Variants in PPARGC1A observed in about 807,000 individuals in gnomAD.
The protein encoded by PPARGC1A is peroxisome proliferator-activated receptor gamma coactivator 1-alpha.
PPARGC1A carries 25 observed loss-of-function variants against 88.7 expected under a neutral mutation model. The observed-to-expected ratio is 0.28, with a 90% CI of 0.21 to 0.39. PPARGC1A has a LOEUF of 0.39. Among genes scored for constraint, PPARGC1A ranks in the 10% least tolerant of loss-of-function variants. PPARGC1A has a pLI of 1.00. For missense variants in PPARGC1A, 880 were observed against 968.7 expected (o/e 0.91, Z 1.22); for synonymous variants, 363 against 355.6 (o/e 1.02, Z -0.24).
At chr4:23,855,329 T>A (rs1333590890) in intron 2 of PPARGC1A, among the ~76,000 whole-genome samples, 1 of 152,192 alleles carries the variant, frequency 6.6e-6, no homozygotes, top group Non-Finnish European at 1.5e-5. Context: ...GAATCTGGCT[T>A]TTACCACTCA....
intron 2 of PPARGC1A, among the ~76,000 whole-genome samples, chr4:23,867,319 A>G (rs1227559565): frequency 2.0e-5 from 3 of 152,224 alleles, no homozygotes; most frequent in Admixed American, 6.5e-5. Context: ...TATGTACTTA[A>G]TACATCTTTG....
the PPARGC1A span, among the ~76,000 whole-genome samples, chr4:23,931,617 T>C: frequency 6.6e-6 from 1 of 152,126 alleles, no homozygotes; most frequent in Non-Finnish European, 1.5e-5. Flanking sequence ...TCATCTGACA[T>C]TGGATTTGAG....
chr4:24,463,277 G>C, the PPARGC1A span, among the ~76,000 whole-genome samples: 1 of 152,208 alleles, frequency 6.6e-6, no homozygotes, highest in Non-Finnish European at 1.5e-5. Flanking sequence ...TCAGCATGGA[G>C]CAGTTACCAA....
At chr4:24,469,631 C>T in the PPARGC1A span, among the ~76,000 whole-genome samples, 34 of 152,324 alleles carry the variant, frequency 2.2e-4, no homozygotes, top group African/African-American at 7.7e-4. Flanking sequence ...GCCAATCATT[C>T]TCCAGAGAGC....
intron 2 of PPARGC1A, among the ~76,000 whole-genome samples, chr4:23,844,415 A>C (rs1331527594): frequency 3.5e-5 from 4 of 114,166 alleles, no homozygotes; most frequent in Non-Finnish European, 7.1e-5. Flanking sequence ...ATATAATAAT[A>C]TATAATATAT....
chr4:23,901,156 A>C (rs1033136747), upstream of PPARGC1A, among the ~76,000 whole-genome samples: 1 of 152,134 alleles, frequency 6.6e-6, no homozygotes. Flanking sequence ...TCACAAGGTC[A>C]GGAGATCGAG....
chr4:24,097,803 A>G, the PPARGC1A span, among the ~76,000 whole-genome samples: 1 of 152,124 alleles, frequency 6.6e-6, no homozygotes, highest in African/African-American at 2.4e-5. Context: ...GATGCTCACC[A>G]TTCTCTCTGT....
Position 23,795,053 on chromosome 4 carries a change from AAGAGAGAG to A in PPARGC1A, c.*761_*768del, listed in dbSNP as rs372164053. On this transcript the variant is annotated 3_prime_UTR_variant, in exon 13 of 13. Transcript: ENST00000264867. ...ATGGCAAAAGGAAAAAGAAAAAAAAAAGAGAGAGAGAGAGAGAGAGAGAGAGACAGGAT... is the reference window on the plus strand; with the variant it reads ...ATGGCAAAAGGAAAAAGAAAAAAAAAAGAGAGAGAGAGAGAGAGACAGGAT... The A allele has an allele frequency of 8.3e-5, 12 of 145,290 alleles. No homozygotes were observed. Among genetic ancestry groups the A allele is most frequent in the African/African-American group, 2.3e-4 (9 of 39,184 alleles). The allele number at this position is 145,290 out of a possible 1,614,324, so 9.0% of individuals were successfully genotyped here.
intron 7 of PPARGC1A, among the ~76,000 whole-genome samples, chr4:23,823,410 A>C (rs1723364933): frequency 6.6e-6 from 1 of 152,000 alleles, no homozygotes; most frequent in Admixed American, 6.6e-5. Context: ...CTTCTACCAA[A>C]ACTGTAATAT....
chr4:24,359,358 G>A, the PPARGC1A span, among the ~76,000 whole-genome samples: 1 of 152,092 alleles, frequency 6.6e-6, no homozygotes, highest in Non-Finnish European at 1.5e-5. Flanking sequence ...CTTGACTGCT[G>A]TCTCTGTAAA....
chr4:24,196,026 T>A, the PPARGC1A span, among the ~76,000 whole-genome samples: 1 of 152,158 alleles, frequency 6.6e-6, no homozygotes, highest in Non-Finnish European at 1.5e-5. Flanking sequence ...GGCCATGGGG[T>A]TTCTCTCTAT....
chr4:24,031,275 T>C, the PPARGC1A span, among the ~76,000 whole-genome samples: 1 of 152,142 alleles, frequency 6.6e-6, no homozygotes, highest in Non-Finnish European at 1.5e-5. Context: ...ACAGAACCAT[T>C]TGCATTCCAT....
At chr4:24,285,127 C>A in the PPARGC1A span, among the ~76,000 whole-genome samples, 1 of 152,176 alleles carries the variant, frequency 6.6e-6, no homozygotes, top group Non-Finnish European at 1.5e-5. Context: ...CTCATGAGAA[C>A]TTTGCATTGA....
At chr4:24,049,083 A>G in the PPARGC1A span, among the ~76,000 whole-genome samples, 4 of 151,756 alleles carry the variant, frequency 2.6e-5, no homozygotes, top group Non-Finnish European at 2.9e-5. Context: ...TCTGGTATTT[A>G]TATGTTCTCC....
the PPARGC1A span, among the ~76,000 whole-genome samples, chr4:23,993,166 C>T: frequency 6.6e-6 from 1 of 152,100 alleles, no homozygotes; most frequent in Non-Finnish European, 1.5e-5. Context: ...TATTCTATGT[C>T]ACCTCATTAT....
the PPARGC1A span, among the ~76,000 whole-genome samples, chr4:24,459,001 TTTC>T: frequency 2.0e-5 from 3 of 152,172 alleles, no homozygotes; most frequent in Non-Finnish European, 4.4e-5. Flanking sequence ...TGATTCGATT[TTTC>T]TTCTTTTTTC....
At chr4:24,274,647 A>T in the PPARGC1A span, among the ~76,000 whole-genome samples, 1 of 152,120 alleles carries the variant, frequency 6.6e-6, no homozygotes, top group Non-Finnish European at 1.5e-5. Context: ...TTCTTAACTG[A>T]TGAGTTATAC....
At chr4:24,307,979 G>A in the PPARGC1A span, among the ~76,000 whole-genome samples, 1 of 152,080 alleles carries the variant, frequency 6.6e-6, no homozygotes, top group Admixed American at 6.6e-5. Context: ...ATAACCTCAG[G>A]AAATTTAAGT....
chr4:24,132,296 G>GAAA, the PPARGC1A span, among the ~76,000 whole-genome samples: 1 of 148,954 alleles, frequency 6.7e-6, no homozygotes, highest in Non-Finnish European at 1.5e-5. Context: ...TTCTATATCA[G>GAAA]AAAAAAAAAA....
Sources: allele counts gnomAD v4.1 joint callset (sites outside exome capture counted in the v4.1 genomes callset), GRCh38; gene constraint gnomAD v4.1.1; transcripts MANE v1.5; gene names NCBI Gene and HGNC (gene_info 2026-07-23, HGNC 2026-07-21).